Variants in SEMA3D observed in about 807,000 individuals in gnomAD.
SEMA3D encodes the protein semaphorin-3D.
Under a neutral mutation model 100.1 loss-of-function variants are expected in SEMA3D, and 84 were observed. The ratio of observed to expected loss-of-function variants is 0.84; its 90% CI spans 0.70 to 1.01. The LOEUF is 1.01. Among genes scored for constraint, SEMA3D ranks in the 50% least tolerant of loss-of-function variants. SEMA3D has a pLI of 0.00. For missense variants in SEMA3D, 875 were observed against 934.1 expected (o/e 0.94, Z 0.82); for synonymous variants, 312 against 320.7 (o/e 0.97, Z 0.29).
chr7:85,140,136 T>A (rs1291569546), intron 2 of SEMA3D: 2 of 368,534 alleles, frequency 5.4e-6, no homozygotes, highest in African/African-American at 4.4e-5. Context: ...AATGTTTATA[T>A]ATTAGCATAT....
In SEMA3D at chr7:85,147,104, T is replaced by C. The variant is rs1401458451; in HGVS notation, c.-41+6504A>G. ...TTCTTTTTCTTTTCTTTTTTTTTTT[T>C]TTTTTTTTTTTTTTTGAGACGGAGT... On this transcript the variant is annotated intron_variant, in intron 2 of 18. Coordinates refer to ENST00000284136, the MANE Select transcript of SEMA3D (RefSeq NM_001384900.1). Among the ~76,000 whole-genome samples the C allele has an allele frequency of 2.2e-4, 28 of 126,614 alleles. 1 individual carries two copies. Among genetic ancestry groups the C allele is most frequent in the Non-Finnish European group, 1.3e-4 (8 of 60,360 alleles). The allele number at this position is 126,614 out of a possible 152,430, so 83.1% of individuals were successfully genotyped here. A position where few individuals can be genotyped will look rare whatever the true frequency, so the allele number is the denominator to read the frequency against.
At chr7:85,188,957 G>A (rs1027217696), upstream of SEMA3D, among the ~76,000 whole-genome samples, 3 of 152,114 alleles carry the variant, frequency 2.0e-5, no homozygotes, top group Non-Finnish European at 4.4e-5. Flanking sequence ...TTGTGTCTTT[G>A]TTTCTTCAGC....
intron 1 of SEMA3D, among the ~76,000 whole-genome samples, chr7:85,175,549 T>C (rs1170657733): frequency 1.3e-5 from 2 of 152,156 alleles, no homozygotes; most frequent in African/African-American, 4.8e-5. Flanking sequence ...GAAAGGGAAA[T>C]GTTATTCACC....
At chr7:85,232,121 A>C in the SEMA3D span, among the ~76,000 whole-genome samples, 134 of 152,302 alleles carry the variant, frequency 8.8e-4, 3 homozygotes, top group Admixed American at 8.6e-3. Flanking sequence ...TTGGCTACGA[A>C]AAATGAGTGC....
At chr7:85,177,911 C>T (rs763883974) in intron 1 of SEMA3D, among the ~76,000 whole-genome samples, 1 of 152,114 alleles carries the variant, frequency 6.6e-6, no homozygotes, top group Non-Finnish European at 1.5e-5. Context: ...AATTGTAATA[C>T]CCATGCATTG....
At chr7:85,134,230 A>G (rs1789798941) in intron 2 of SEMA3D, among the ~76,000 whole-genome samples, 1 of 151,706 alleles carries the variant, frequency 6.6e-6, no homozygotes, top group African/African-American at 2.4e-5. Context: ...AGGCAGAATG[A>G]AAAATATTTT....
At chr7:85,206,751 C>T in the SEMA3D span, among the ~76,000 whole-genome samples, 1 of 152,128 alleles carries the variant, frequency 6.6e-6, no homozygotes, top group Middle Eastern at 3.4e-3. Context: ...TGCATCTTGA[C>T]ATGGGCCTGG....
intron 15 of SEMA3D, among the ~76,000 whole-genome samples, chr7:85,018,004 G>A (rs1461610500): frequency 6.6e-6 from 1 of 151,708 alleles, no homozygotes; most frequent in African/African-American, 2.4e-5. Flanking sequence ...ATGAGACTAG[G>A]AAAGTGAGTT....
At chr7:85,229,490 A>G in the SEMA3D span, among the ~76,000 whole-genome samples, 1 of 152,102 alleles carries the variant, frequency 6.6e-6, no homozygotes, top group African/African-American at 2.4e-5. Context: ...AAAAATGGTC[A>G]TGGCTCTAGT....
intron 9 of SEMA3D, chr7:85,050,277 GT>G (rs2116045351): frequency 6.6e-6 from 1 of 152,662 alleles, no homozygotes; most frequent in African/African-American, 2.4e-5. Context: ...GAAGATCTGT[GT>G]TATTTACCAT....
chr7:85,056,970 T>C (rs1791337289), intron 8 of SEMA3D, among the ~76,000 whole-genome samples: 1 of 150,206 alleles, frequency 6.7e-6, no homozygotes, highest in African/African-American at 2.4e-5. Flanking sequence ...TTAATAAGTG[T>C]GATTATTATT....
chr7:85,174,964 C>T (rs1381703837), intron 1 of SEMA3D, among the ~76,000 whole-genome samples: 1 of 152,000 alleles, frequency 6.6e-6, no homozygotes, highest in Non-Finnish European at 1.5e-5. Context: ...AATACACTAT[C>T]AAAGCACACA....
intron 2 of SEMA3D, among the ~76,000 whole-genome samples, chr7:85,134,586 C>T (rs552565866): frequency 2.0e-5 from 3 of 151,988 alleles, no homozygotes; most frequent in African/African-American, 7.2e-5. Context: ...CTCCAACTAC[C>T]GAAACATGTA....
intron 14 of SEMA3D, 123 bp from the exon 15 acceptor site, chr7:85,018,416 A>C (rs889042831): frequency 3.2e-5 from 21 of 652,590 alleles, no homozygotes; most frequent in Non-Finnish European, 5.7e-5. Context: ...TTACATAAGG[A>C]AATAAAGTTC....
At chr7:85,046,015 A>G (rs1233138971) in intron 9 of SEMA3D, among the ~76,000 whole-genome samples, 2 of 151,944 alleles carry the variant, frequency 1.3e-5, no homozygotes, top group African/African-American at 2.4e-5. Context: ...ACTAAAAATA[A>G]TGTTGATTCA....
rs536351868 is a variant in SEMA3D, at chr7:85,143,249, T to G, written c.-41+10359A>C. The G allele has an allele frequency of 4.8e-5, 29 of 600,878 alleles. No individual in the cohort carries two copies. In the South Asian group the frequency reaches 2.1e-3, roughly 43 times the overall value. The allele number at this position is 600,878 out of a possible 1,614,324, so 37.2% of individuals were successfully genotyped here. A position where few individuals can be genotyped will look rare whatever the true frequency, so the allele number is the denominator to read the frequency against. On this transcript the variant is annotated intron_variant, in intron 2 of 18. Coordinates refer to ENST00000284136, the MANE Select transcript of SEMA3D (RefSeq NM_001384900.1). ...TGCACTAAAGTAAATGTTAATACTT[T>G]TATTATAATTCCAGTGATTTCAAAG...
intron 12 of SEMA3D, among the ~76,000 whole-genome samples, chr7:85,030,387 T>C (rs1263682508): frequency 6.6e-6 from 1 of 152,016 alleles, no homozygotes; most frequent in Non-Finnish European, 1.5e-5. Context: ...AATGGAGACT[T>C]AGTTGGGAAA....
the SEMA3D span, among the ~76,000 whole-genome samples, chr7:85,235,762 G>A: frequency 6.1e-4 from 93 of 152,046 alleles, no homozygotes; most frequent in African/African-American, 2.1e-3. Context: ...GACTATGTAG[G>A]TACAATTTCA....
At chr7:85,112,288 T>A (rs953381270) in intron 3 of SEMA3D, among the ~76,000 whole-genome samples, 4 of 152,192 alleles carry the variant, frequency 2.6e-5, no homozygotes, top group Non-Finnish European at 5.9e-5. Context: ...TAGAAAATTC[T>A]GATTAAACAA....
Sources: allele counts gnomAD v4.1 joint callset (sites outside exome capture counted in the v4.1 genomes callset), GRCh38; gene constraint gnomAD v4.1.1; transcripts MANE v1.5; gene names NCBI Gene and HGNC (gene_info 2026-07-23, HGNC 2026-07-21).